The following GPC5 variants were observed in gnomAD, a reference collection of about 807,000 sequenced individuals.
The protein encoded by GPC5 is glypican 5, also known as glypican-5.
Under a neutral mutation model 53.9 loss-of-function variants are expected in GPC5, and 47 were observed. That is an observed-to-expected ratio of 0.87 (90% CI 0.69 to 1.11). The LOEUF (loss-of-function observed/expected upper bound fraction) is 1.11, where lower values mean the gene tolerates loss of function less well. Ranked by LOEUF, GPC5 falls within the 50% of genes most tolerant of loss-of-function variation. The pLI is 0.00. For missense variants in GPC5, 748 were observed against 713.1 expected (o/e 1.05, Z -0.56); for synonymous variants, 286 against 263.3 (o/e 1.09, Z -0.84).
At chr13:92,030,954 G>A (rs2040836230) in intron 6 of GPC5, among the ~76,000 whole-genome samples, 2 of 152,140 alleles carry the variant, frequency 1.3e-5, no homozygotes, top group South Asian at 2.1e-4. Flanking sequence ...TCCTGGCCGT[G>A]TGACAAGGAC....
chr13:92,736,089 G>A (rs958423688), intron 7 of GPC5, among the ~76,000 whole-genome samples: 21 of 151,826 alleles, frequency 1.4e-4, no homozygotes, highest in South Asian at 4.1e-4. Context: ...ACTCTCCACC[G>A]TCATCCCCCA....
At chr13:92,840,441 C>A (rs1748706575) in intron 7 of GPC5, among the ~76,000 whole-genome samples, 1 of 151,902 alleles carries the variant, frequency 6.6e-6, no homozygotes. Flanking sequence ...TTTCTCGACT[C>A]CCTAAATTTA....
chr13:92,696,739 T>G (rs948685014), intron 7 of GPC5, among the ~76,000 whole-genome samples: 4 of 152,216 alleles, frequency 2.6e-5, no homozygotes, highest in African/African-American at 9.6e-5. Flanking sequence ...TTGTTGCCCT[T>G]GCTTTTGGTG....
chr13:92,089,760 T>C (rs2041364659), intron 6 of GPC5, among the ~76,000 whole-genome samples: 1 of 152,204 alleles, frequency 6.6e-6, no homozygotes, highest in African/African-American at 2.4e-5. Flanking sequence ...AAAAGAATAT[T>C]GCCTTAGAGA....
At chr13:91,959,458 C>T (rs967139120) in intron 6 of GPC5, among the ~76,000 whole-genome samples, 2 of 151,874 alleles carry the variant, frequency 1.3e-5, no homozygotes, top group Admixed American at 1.3e-4. Context: ...CAAATTCTAC[C>T]AAACTATCAA....
Position 92,137,743 on chromosome 13 carries a change from G to A in GPC5, c.1402-7087G>A, listed in dbSNP as rs922971227. Among the ~76,000 whole-genome samples, 35 of 152,094 alleles carry A rather than the reference G, an allele frequency of 2.3e-4. No individual in the cohort carries two copies. The East Asian group carries it at 3.9e-3, about 17-fold the overall frequency. On this transcript the variant is annotated intron_variant, in intron 6 of 7. Transcript: ENST00000377067. ...TGGGCTTAAGCAATCCTCCCACCTC[G>A]CCTCCCAAGAAGCTGAGACGGCAGG...
rs5006989 is a variant in GPC5 at position 92,064,764 on chromosome 13, A to C, written c.1402-80066A>C. On this transcript the variant is annotated intron_variant, in intron 6 of 7. Transcript: ENST00000377067. ...AGAGCGAGACTCCGTCTCAAAAAAA[A>C]AAAACAAAACAAAACTCAGAGGCAA... 2.7e-4 allele frequency among the ~76,000 whole-genome samples: 37 copies of C among 138,464 alleles called. 2 individuals are homozygous for C. The South Asian group carries it at 7.1e-3, about 27-fold the overall frequency. The allele number at this position is 138,464 out of a possible 152,430, so 90.8% of individuals were successfully genotyped here. A position where few individuals can be genotyped will look rare whatever the true frequency, so the allele number is the denominator to read the frequency against.
At chr13:92,526,227 AG>A (rs1394967674) in intron 7 of GPC5, among the ~76,000 whole-genome samples, 1 of 152,140 alleles carries the variant, frequency 6.6e-6, no homozygotes, top group Non-Finnish European at 1.5e-5. Flanking sequence ...ATTGCAAGAA[AG>A]TGGAAGGTAA....
chr13:91,855,906 G>A (rs1487064344), intron 5 of GPC5, among the ~76,000 whole-genome samples: 2 of 151,336 alleles, frequency 1.3e-5, no homozygotes, highest in Non-Finnish European at 3.0e-5. Flanking sequence ...AATTCATGTA[G>A]CCAAAACCTA....
chr13:92,070,665 A>G (rs1028251932), intron 6 of GPC5, among the ~76,000 whole-genome samples: 2 of 152,220 alleles, frequency 1.3e-5, no homozygotes, highest in Non-Finnish European at 2.9e-5. Flanking sequence ...CACACTAAAT[A>G]TATACAAGCT....
chr13:92,373,746 A>G (rs991360013), intron 7 of GPC5, among the ~76,000 whole-genome samples: 8 of 152,224 alleles, frequency 5.3e-5, no homozygotes, highest in Non-Finnish European at 1.2e-4. Flanking sequence ...CATTCAAATG[A>G]AAATTTCAAT....
intron 7 of GPC5, among the ~76,000 whole-genome samples, chr13:92,286,472 C>T (rs2042955563): frequency 1.3e-5 from 2 of 152,214 alleles, no homozygotes; most frequent in East Asian, 3.9e-4. Context: ...ATAGCAAAGA[C>T]TTGGAACCAA....
chr13:92,476,854 T>A (rs1347869057), intron 7 of GPC5, among the ~76,000 whole-genome samples: 1 of 126,028 alleles, frequency 7.9e-6, no homozygotes, highest in African/African-American at 3.1e-5. Context: ...TGAGAACACA[T>A]GGACACAGGA....
chr13:92,385,465 T>TATATACATAC (rs1874603177), intron 7 of GPC5, among the ~76,000 whole-genome samples: 2 of 133,342 alleles, frequency 1.5e-5, no homozygotes, highest in African/African-American at 5.6e-5. Flanking sequence ...TATATACACA[T>TATATACATAC]ATATACATAT....
intron 2 of GPC5, among the ~76,000 whole-genome samples, chr13:91,487,516 A>G (rs777596655): frequency 6.6e-6 from 1 of 152,168 alleles, no homozygotes; most frequent in African/African-American, 2.4e-5. Context: ...TCAGATAGAA[A>G]AGGGAATACT....
At chr13:92,668,325 G>T (rs9523759) in intron 7 of GPC5, among the ~76,000 whole-genome samples, 1 of 152,128 alleles carries the variant, frequency 6.6e-6, no homozygotes, top group African/African-American at 2.4e-5. Flanking sequence ...ATGCATAACA[G>T]AAATGGGAAG....
chr13:91,618,553 C>A (rs1052902138), intron 2 of GPC5, among the ~76,000 whole-genome samples: 1 of 152,058 alleles, frequency 6.6e-6, no homozygotes, highest in Non-Finnish European at 1.5e-5. Context: ...ATAAGGACTG[C>A]GGAATTAGAA....
At chr13:92,060,544 C>T (rs2041114272) in intron 6 of GPC5, among the ~76,000 whole-genome samples, 1 of 151,968 alleles carries the variant, frequency 6.6e-6, no homozygotes, top group South Asian at 2.1e-4. Context: ...CTCTCATCAA[C>T]AGCAAAACAA....
intron 6 of GPC5, among the ~76,000 whole-genome samples, chr13:92,050,398 T>C (rs12429380): frequency 1.8e-4 from 28 of 151,882 alleles, no homozygotes; most frequent in African/African-American, 6.3e-4. Context: ...TGGCTTTCAC[T>C]GAGTGGTTAT....
Sources: allele counts gnomAD v4.1 joint callset (sites outside exome capture counted in the v4.1 genomes callset), GRCh38; gene constraint gnomAD v4.1.1; transcripts MANE v1.5; gene names NCBI Gene and HGNC (gene_info 2026-07-23, HGNC 2026-07-21).